CUBN: variants seen among roughly 807,000 people sequenced by gnomAD.
CUBN encodes cubilin.
A neutral mutation model predicts 405.3 loss-of-function variants in CUBN; 282 were observed. That is an observed-to-expected ratio of 0.70 (90% CI 0.63 to 0.77). CUBN has a LOEUF of 0.77. Ranked by LOEUF, CUBN falls within the 30% of genes least tolerant of loss-of-function variation. The pLI, the probability that CUBN is intolerant of heterozygous loss-of-function variation, is 0.00. For synonymous variants in CUBN, 1,684 were observed against 1,617.0 expected (o/e 1.04, Z -0.99); for missense variants, 4,514 against 4,475.2 (o/e 1.01, Z -0.25).
In CUBN at chr10:16,919,960, T is replaced by C. The variant is rs767078847; in HGVS notation, c.6821+3A>G. 1.6e-5 allele frequency: 26 copies of C among 1,612,224 alleles called. No individual in the cohort carries two copies. The East Asian group carries it at 4.5e-4, about 28-fold the overall frequency. Reference sequence around the variant, plus strand: ...GAAAAAAATGAAAATGGAAGTGACATACTTGGGTGTTACTTCAATATCGAA... The same window carrying C: ...GAAAAAAATGAAAATGGAAGTGACACACTTGGGTGTTACTTCAATATCGAA... On this transcript the variant is annotated splice_donor_region_variant and intron_variant, in intron 44 of 66. Transcript: ENST00000377833.
At chr10:16,893,692 TATAA>T (rs777752704) in intron 54 of CUBN, among the ~76,000 whole-genome samples, 57 of 152,214 alleles carry the variant, frequency 3.7e-4, no homozygotes, top group Non-Finnish European at 6.9e-4. Flanking sequence ...ATTGTTAATC[TATAA>T]ATAGTTTGTT....
intron 58 of CUBN, 134 bp downstream of exon 58, chr10:16,874,240 G>C (rs1840439249): frequency 1.0e-6 from 1 of 973,552 alleles, no homozygotes. Flanking sequence ...CTGTCATCTA[G>C]GAACATCACT....
chr10:17,075,052 GAGA>G (rs1835824116), intron 17 of CUBN, among the ~76,000 whole-genome samples: 2 of 143,856 alleles, frequency 1.4e-5, no homozygotes, highest in East Asian at 4.3e-4. Flanking sequence ...AGGTAGTAAA[GAGA>G]AGATTTTTCT....
intron 22 of CUBN, among the ~76,000 whole-genome samples, chr10:17,050,146 C>CCT (rs996532481): frequency 5.3e-5 from 8 of 151,954 alleles, no homozygotes; most frequent in African/African-American, 1.9e-4. Flanking sequence ...CCTCATTTTT[C>CCT]CTCTCTCTCT....
rs1254522268 is a variant in CUBN, at chr10:16,924,287, C to T, written c.6646+954G>A. On this transcript the variant is annotated intron_variant, in intron 43 of 66. Coordinates refer to ENST00000377833, the MANE Select transcript of CUBN (RefSeq NM_001081.4). ...AAGGTCCCAGCTTAGAAAGCAATGG[C>T]GCGGGTGCCCACAGAGCTGCATTAA... Among the ~76,000 whole-genome samples, 8 of 152,238 alleles carry T rather than the reference C, an allele frequency of 5.3e-5. No homozygotes were observed. In the East Asian group the frequency reaches 1.2e-3, roughly 22 times the overall value.
At position 16,990,489 on chromosome 10, in the gene CUBN, T is replaced by A; in HGVS notation, c.4195A>T (p.Thr1399Ser). 6.2e-7 allele frequency: 1 copy of A among 1,614,180 alleles called. No homozygotes were observed. Among genetic ancestry groups the A allele is most frequent in the Non-Finnish European group, 8.5e-7 (1 of 1,180,032 alleles). ...YGCGGELSGATGSFSSPGFPN... is the reference protein window; with the variant it reads ...YGCGGELSGASGSFSSPGFPN... ...AACCCGGGGCTGCTGAAGGAGCCTG[T>A]GGCCCCAGACAGCTCTCCACCACAA... The change falls in exon 29 of 67, where the codon ACA (threonine) becomes TCA (serine). Residue 1399 changes from threonine (T) to serine (S), a missense_variant. Around this residue, in one of 5 missense-constraint regions of CUBN, gnomAD observed 1,613 missense variants for 1,542.8 expected, o/e 1.05. Transcript: ENST00000377833.
chr10:17,030,981 T>C (rs1834773848), intron 27 of CUBN, among the ~76,000 whole-genome samples: 1 of 152,170 alleles, frequency 6.6e-6, no homozygotes, highest in South Asian at 2.1e-4. Context: ...CTTTATTCTC[T>C]GTAATAATAG....
intron 29 of CUBN, among the ~76,000 whole-genome samples, chr10:16,989,138 T>C (rs1381884763): frequency 6.6e-6 from 1 of 152,108 alleles, no homozygotes; most frequent in African/African-American, 2.4e-5. Flanking sequence ...TAGGTTCTAC[T>C]GGATATAGAA....
At chr10:16,967,975 GAGAGAGAGAGAGGAAA>G (rs935376735) in intron 31 of CUBN, among the ~76,000 whole-genome samples, 22 of 133,608 alleles carry the variant, frequency 1.6e-4, no homozygotes, top group South Asian at 4.9e-4. Flanking sequence ...GAAAGACAGG[GAGAGAGAGAGAGGAAA>G]AGAGAGAGAG....
At chr10:17,031,957 C>T (rs989147118) in intron 27 of CUBN, among the ~76,000 whole-genome samples, 2 of 152,116 alleles carry the variant, frequency 1.3e-5, no homozygotes, top group Non-Finnish European at 1.5e-5. Flanking sequence ...TAAACAGATT[C>T]GGAGAGCACA....
intron 60 of CUBN, among the ~76,000 whole-genome samples, chr10:16,847,021 T>A (rs984404012): frequency 6.6e-6 from 1 of 152,076 alleles, no homozygotes; most frequent in Non-Finnish European, 1.5e-5. Context: ...AGCTCAGCCA[T>A]CACCCTCTAG....
intron 59 of CUBN, among the ~76,000 whole-genome samples, chr10:16,863,118 A>G (rs895464339): frequency 6.6e-6 from 1 of 152,164 alleles, no homozygotes; most frequent in Non-Finnish European, 1.5e-5. Flanking sequence ...TGAACTAAGC[A>G]TTTGTTGGTT....
intron 32 of CUBN, 125 bp downstream of exon 32, chr10:16,954,264 T>G (rs527643513): frequency 8.0e-6 from 9 of 1,118,470 alleles, no homozygotes; most frequent in Non-Finnish European, 1.1e-5. Flanking sequence ...TTTGTTCTAT[T>G]TAATTTTTTA....
At chr10:16,882,393 T>C (rs1564401427) in intron 56 of CUBN, among the ~76,000 whole-genome samples, 1 of 152,246 alleles carries the variant, frequency 6.6e-6, no homozygotes, top group Non-Finnish European at 1.5e-5. Flanking sequence ...CTTTAAAACA[T>C]ATTCATCGTT....
intron 60 of CUBN, among the ~76,000 whole-genome samples, chr10:16,844,245 G>A (rs1182936036): frequency 1.3e-5 from 2 of 148,776 alleles, no homozygotes; most frequent in African/African-American, 2.5e-5. Context: ...TTCCAGCCTG[G>A]GCGACAAGAG....
chr10:16,984,285 A>G lies in CUBN; in HGVS notation c.4351-6T>C. 6.2e-7 allele frequency: 1 copy of G among 1,613,656 alleles called. No homozygotes were observed. The highest frequency in any genetic ancestry group is 1.1e-5 in the South Asian group (1 of 91,082). ...AAATCGGGGCCTCCATAGATCTAAC[A>G]TGGGATGTAGGAAAAAAGACTTTAA... On this transcript the variant is annotated splice_region_variant and splice_polypyrimidine_tract_variant and intron_variant, in intron 29 of 66. Transcript: ENST00000377833.
intron 19 of CUBN, 119 bp downstream of exon 19, chr10:17,071,307 A>T (rs1267539464): frequency 9.8e-7 from 1 of 1,020,194 alleles, no homozygotes; most frequent in Non-Finnish European, 1.5e-6. Context: ...ATGTATCCAT[A>T]AGACATATTG....
chr10:16,885,590 G>A (rs1054922058), intron 56 of CUBN, among the ~76,000 whole-genome samples: 6 of 152,034 alleles, frequency 3.9e-5, no homozygotes, highest in Admixed American at 3.9e-4. Context: ...TAAATGCTGT[G>A]CTCACTTTCC....
intron 36 of CUBN, among the ~76,000 whole-genome samples, chr10:16,944,842 G>A (rs183483437): frequency 1.8e-4 from 27 of 152,288 alleles, no homozygotes; most frequent in Non-Finnish European, 3.1e-4. Flanking sequence ...AGTGCTGCCC[G>A]TTTGGATTTA....
Sources: gnomAD v4.1 joint callset for allele counts (sites outside exome capture counted in the v4.1 genomes callset) on GRCh38, gnomAD v4.1.1 for gene constraint, gnomAD v4.1.1 regional missense constraint, MANE v1.5 for transcripts, NCBI Gene and HGNC (gene_info 2026-07-23, HGNC 2026-07-21) for gene names.